Variants in ENTREP1 observed in about 807,000 individuals in gnomAD.
ENTREP1 encodes endosomal transmembrane epsin interactor 1, also known as Friedreich ataxia region gene X123.
chr9:69,325,177 A>G, the ENTREP1 span: 4 of 1,025,464 alleles, frequency 3.9e-6, no homozygotes, highest in African/African-American at 3.5e-5. Context: ...GGCCGTGCGC[A>G]TTTCCTTCCC....
At chr9:69,385,929 C>T in the ENTREP1 span, 1 of 1,610,370 alleles carries the variant, frequency 6.2e-7, no homozygotes, top group Non-Finnish European at 8.5e-7. Context: ...CCCTGTGCTC[C>T]ATCCTTCTGA....
chr9:69,349,984 T>C, the ENTREP1 span, among the ~76,000 whole-genome samples: 1 of 152,234 alleles, frequency 6.6e-6, no homozygotes, highest in Non-Finnish European at 1.5e-5. Context: ...ATTGTTAAGC[T>C]GGGGACTGTC....
the ENTREP1 span, chr9:69,388,277 A>G: frequency 1.2e-6 from 2 of 1,614,160 alleles, no homozygotes; most frequent in Non-Finnish European, 1.7e-6. Flanking sequence ...GCGGTCTTTG[A>G]TAGATTACAA....
the ENTREP1 span, among the ~76,000 whole-genome samples, chr9:69,365,931 G>A: frequency 6.6e-6 from 1 of 152,066 alleles, no homozygotes; most frequent in Non-Finnish European, 1.5e-5. Context: ...TTCGTCTGTT[G>A]ATGGGCATTT....
At chr9:69,347,384 A>G in the ENTREP1 span, among the ~76,000 whole-genome samples, 1 of 152,130 alleles carries the variant, frequency 6.6e-6, no homozygotes, top group Non-Finnish European at 1.5e-5. Context: ...TACCTTCCCT[A>G]CCAACATGGC....
chr9:69,376,378 T>C, the ENTREP1 span, among the ~76,000 whole-genome samples: 1 of 152,226 alleles, frequency 6.6e-6, no homozygotes, highest in African/African-American at 2.4e-5. Flanking sequence ...CCTTAGCTCT[T>C]GTTTAATAAG....
At chr9:69,348,371 TG>T in the ENTREP1 span, among the ~76,000 whole-genome samples, 1 of 152,154 alleles carries the variant, frequency 6.6e-6, no homozygotes, top group Non-Finnish European at 1.5e-5. Flanking sequence ...CTGCCCAACT[TG>T]GCCTCCAAGA....
the ENTREP1 span, among the ~76,000 whole-genome samples, chr9:69,354,764 T>A: frequency 6.6e-6 from 1 of 152,180 alleles, no homozygotes; most frequent in Non-Finnish European, 1.5e-5. Context: ...AAGCACACAT[T>A]GTTCAGTTGT....
chr9:69,325,329 T>G, the ENTREP1 span: 3 of 1,170,980 alleles, frequency 2.6e-6, no homozygotes. Context: ...CCCGTGGTGC[T>G]CCCGGGCTCC....
At chr9:69,391,107 T>C in the ENTREP1 span, among the ~76,000 whole-genome samples, 1 of 152,176 alleles carries the variant, frequency 6.6e-6, no homozygotes, top group African/African-American at 2.4e-5. Flanking sequence ...TATAAACCCA[T>C]CACCTGGTCC....
the ENTREP1 span, among the ~76,000 whole-genome samples, chr9:69,326,806 C>A: frequency 8.5e-6 from 1 of 118,130 alleles, no homozygotes; most frequent in South Asian, 3.4e-4. Flanking sequence ...TCAAGCGATC[C>A]TCCTGCCTCG....
the ENTREP1 span, among the ~76,000 whole-genome samples, chr9:69,362,129 C>T: frequency 1.3e-5 from 2 of 152,104 alleles, no homozygotes. Flanking sequence ...TAAACCTGCA[C>T]AGTGGGTTTA....
the ENTREP1 span, chr9:69,325,858 G>A: frequency 8.4e-7 from 1 of 1,186,864 alleles, no homozygotes; most frequent in East Asian, 3.3e-5. Flanking sequence ...AGTTTTTGGA[G>A]GCTGGAGAAA....
chr9:69,336,823 C>T, the ENTREP1 span, among the ~76,000 whole-genome samples: 2 of 149,862 alleles, frequency 1.3e-5, no homozygotes, highest in East Asian at 4.0e-4. Context: ...GCAATCCTCC[C>T]AAGTAGCTGG....
At chr9:69,355,559 G>A in the ENTREP1 span, among the ~76,000 whole-genome samples, 1 of 152,202 alleles carries the variant, frequency 6.6e-6, no homozygotes, top group African/African-American at 2.4e-5. Flanking sequence ...GAGAGAAAGG[G>A]TCAGGCACTC....
the ENTREP1 span, among the ~76,000 whole-genome samples, chr9:69,376,391 A>G: frequency 1.3e-5 from 2 of 152,246 alleles, no homozygotes; most frequent in Non-Finnish European, 2.9e-5. Flanking sequence ...TTAATAAGCA[A>G]CAACTATAAT....
At chr9:69,366,867 T>A in the ENTREP1 span, among the ~76,000 whole-genome samples, 1 of 152,114 alleles carries the variant, frequency 6.6e-6, no homozygotes, top group East Asian at 1.9e-4. Flanking sequence ...GATTTATTTC[T>A]GGGTTCTCTA....
At chr9:69,380,420 T>A in the ENTREP1 span, 1 of 152,352 alleles carries the variant, frequency 6.6e-6, no homozygotes, top group Non-Finnish European at 1.5e-5. Context: ...TGACCAGTTT[T>A]ATCCAGAGTT....
the ENTREP1 span, chr9:69,377,857 A>G: frequency 2.4e-6 from 3 of 1,273,824 alleles, no homozygotes; most frequent in African/African-American, 1.5e-5. Context: ...AAAGAAAAAG[A>G]AAAATTTTTC....
Sources: allele counts gnomAD v4.1 joint callset (sites outside exome capture counted in the v4.1 genomes callset), GRCh38; gene constraint gnomAD v4.1.1; transcripts MANE v1.5; gene names NCBI Gene and HGNC (gene_info 2026-07-23, HGNC 2026-07-21).